Variants in C12orf43 observed in about 807,000 individuals in gnomAD.
C12orf43 encodes chromosome 12 open reading frame 43.
Under a neutral mutation model 20.6 loss-of-function variants are expected in C12orf43, and 15 were observed. The ratio of observed to expected loss-of-function variants is 0.73; its 90% CI spans 0.49 to 1.12. The LOEUF (loss-of-function observed/expected upper bound fraction) is 1.12. Ranked by LOEUF, C12orf43 falls within the 50% of genes most tolerant of loss-of-function variation. The pLI, the probability that C12orf43 is intolerant of heterozygous loss-of-function variation, is 0.00. For synonymous variants in C12orf43, 144 were observed against 130.8 expected, an observed-to-expected ratio of 1.10 and a Z score of -0.69; for missense variants, 334 against 344.4, an observed-to-expected ratio of 0.97 and a Z score of 0.24.
At position 121,011,021 on chromosome 12, in the gene C12orf43, C is replaced by T. The variant is rs1878413219; in HGVS notation, c.188+83G>A. The T allele has an allele frequency of 2.5e-6, 4 of 1,582,978 alleles. No individual in the cohort carries two copies. The Admixed American group carries it at 5.0e-5, about 20-fold the overall frequency. The stretch of plus-strand genomic sequence containing the variant: ...GTGTGTCTTGTTCACCTGGAAATGC[C>T]AGGCGTGAAGCCTAGCATCTGGCAC... On this transcript the variant is annotated intron_variant, in intron 2 of 5. Coordinates refer to ENST00000288757, the MANE Select transcript of C12orf43 (RefSeq NM_022895.3).
chr12:121,002,295 A>T lies in C12orf43; in HGVS notation c.*1858T>A. On this transcript the variant is annotated 3_prime_UTR_variant, in exon 6 of 6. Transcript: ENST00000288757. ...CCCTGAGGAGTCTGAGGTCCTGAGC[A>T]CTGCCAGGAGGGACAAAGGAGCCTG... is the stretch of plus-strand genomic sequence containing the variant. 1 of 443,424 alleles carries T rather than the reference A, an allele frequency of 2.3e-6. No homozygotes were observed. The highest frequency in any genetic ancestry group is 4.0e-5 in the East Asian group (1 of 24,932). The allele number at this position is 443,424 out of a possible 1,614,324, so 27.5% of individuals were successfully genotyped here.
Position 121,003,846 on chromosome 12 carries a change from T to G in C12orf43, c.*307A>C, listed in dbSNP as rs975374344. 2.3e-6 allele frequency: 1 copy of G among 429,774 alleles called. No homozygotes were observed. The highest frequency in any genetic ancestry group is 4.3e-6 in the Non-Finnish European group (1 of 234,238). 26.6% of individuals were successfully genotyped at this position (429,774 alleles called of 1,614,324 possible). A position where few individuals can be genotyped will look rare whatever the true frequency, so the allele number is the denominator to read the frequency against. The stretch of plus-strand genomic sequence containing the variant: ...GGAGGTTTCACCACTTGGCCACTAG[T>G]CTCAAATAACTGGAAGGTTCCTTTT... On this transcript the variant is annotated 3_prime_UTR_variant, in exon 6 of 6. Transcript: ENST00000288757.
In C12orf43 at chr12:121,012,849, T is replaced by TAAAAAAAAAAAAAAAA. The variant is rs10636003; in HGVS notation, c.146-1719_146-1704dup. ...CCTGGTGACAGAGCAAGACTCCGTC[T>TAAAAAAAAAAAAAAAA]AAAAAAAAAAAAAAAAAAAAAAAAA... On this transcript the variant is annotated intron_variant, in intron 1 of 5. Coordinates refer to ENST00000288757, the MANE Select transcript of C12orf43 (RefSeq NM_022895.3). Among the ~76,000 whole-genome samples, 142 of 91,914 alleles carry TAAAAAAAAAAAAAAAA rather than the reference T, an allele frequency of 1.5e-3. 3 individuals are homozygous for TAAAAAAAAAAAAAAAA. The highest frequency in any genetic ancestry group is 3.9e-3 in the African/African-American group (76 of 19,402). 60.3% of individuals were successfully genotyped at this position (91,914 alleles called of 152,430 possible). A position where few individuals can be genotyped will look rare whatever the true frequency, so the allele number is the denominator to read the frequency against.
rs377546892 is a variant in C12orf43, at chr12:121,004,214, T to C, written c.728A>G (p.Lys243Arg). 9 of 1,614,030 alleles carry C rather than the reference T, an allele frequency of 5.6e-6. No individual in the cohort carries two copies. Among genetic ancestry groups the C allele is most frequent in the Non-Finnish European group, 7.6e-6 (9 of 1,180,006 alleles). Residue 243 changes from lysine to arginine, a missense_variant, in exon 6 of 6, where the codon AAG becomes AGG. By Grantham distance (26) the Lys-to-Arg change is conservative. Transcript: ENST00000288757. The surrounding 1 kb of genome is among the most constrained non-coding windows in gnomAD (Gnocchi z 5.6). ...TGGGAATGGAGAGGTCTCGCTGGCC[T>C]TCTTTGCCTTTTTCTTCTTTTTGGT... ...LGTKKKKKAK[K>R]ASETSPFPPA...
In C12orf43 at chr12:121,003,842, C is replaced by A; in HGVS notation, c.*311G>T. On this transcript the variant is annotated 3_prime_UTR_variant, in exon 6 of 6. Transcript: ENST00000288757. The stretch of plus-strand genomic sequence containing the variant: ...AGATGGAGGTTTCACCACTTGGCCA[C>A]TAGTCTCAAATAACTGGAAGGTTCC... 2.4e-6 allele frequency: 1 copy of A among 420,644 alleles called. No homozygotes were observed. The allele number at this position is 420,644 out of a possible 1,614,324, so 26.1% of individuals were successfully genotyped here.
In C12orf43 at chr12:121,000,996, C is replaced by A; in HGVS notation, c.*3157G>T. On this transcript the variant is annotated 3_prime_UTR_variant, in exon 6 of 6. Transcript: ENST00000288757. ...CCCTGCCTCCCCATCCTGAGTACCCCTAGGGACAGGCAGGTGGGGTGGGTG... is the reference window on the plus strand; with the variant it reads ...CCCTGCCTCCCCATCCTGAGTACCCATAGGGACAGGCAGGTGGGGTGGGTG... The A allele has an allele frequency of 6.2e-7, 1 of 1,603,472 alleles. No individual in the cohort carries two copies. The highest frequency in any genetic ancestry group is 1.1e-5 in the South Asian group (1 of 90,632).
At chr12:121,006,223 G>A (rs2708082) in intron 4 of C12orf43, 98 bp downstream of exon 4, 89,368 of 442,028 alleles carry the variant, frequency 0.2, 6,467 homozygotes, top group Admixed American at 0.47. Context: ...CTCAAAAAAA[G>A]AAAAAAAAAA....
rs749943738 is a variant in C12orf43, at chr12:121,011,104, C to T, written c.188G>A (p.Arg63Lys). ...SQLSTSQPSL[R>K]HKVNEHEQDG... The stretch of plus-strand genomic sequence containing the variant: ...AACTTGAACCCAAAGTGCATAGTAC[C>T]TGAGGCTCGGTTGGGAGGTTGACAA... Residue 63 changes from arginine to lysine, a missense_variant and splice_region_variant, in exon 2 of 6, where the codon AGG (arginine) becomes AAG (lysine). Arg to Lys is a conservative substitution (Grantham distance 26). Transcript: ENST00000288757. 3.7e-6 allele frequency: 6 copies of T among 1,613,978 alleles called. No individual in the cohort carries two copies. In the South Asian group the frequency reaches 6.6e-5, roughly 18 times the overall value.
At chr12:121,006,544 A>C (rs1352209207) in intron 3 of C12orf43, 150 bp from the exon 4 acceptor site, 2 of 695,100 alleles carry the variant, frequency 2.9e-6, no homozygotes, top group Non-Finnish European at 2.5e-6. Context: ...TGGTCTGGTT[A>C]TAACATGCTG....
chr12:121,016,309 T>C, intron 1 of C12orf43, 21 bp downstream of exon 1: 1 of 1,613,002 alleles, frequency 6.2e-7, no homozygotes, highest in Non-Finnish European at 8.5e-7. Context: ...TCAGCCAGTC[T>C]CCCCAAACAT....
At chr12:121,015,552 G>A (rs1417558762) in intron 1 of C12orf43, among the ~76,000 whole-genome samples, 2 of 152,224 alleles carry the variant, frequency 1.3e-5, no homozygotes, top group African/African-American at 4.8e-5. Context: ...AACTTGTGAT[G>A]TATGTGCTTC....
Position 121,005,227 on chromosome 12 carries a change from C to CA in C12orf43, c.362-135dup, listed in dbSNP as rs1056397271. 1.7e-3 allele frequency: 758 copies of CA among 436,426 alleles called. No homozygotes were observed. Among genetic ancestry groups the CA allele is most frequent in the Middle Eastern group, 2.6e-3 (4 of 1,530 alleles). 27.0% of individuals were successfully genotyped at this position (436,426 alleles called of 1,614,324 possible). Reference sequence around the variant, plus strand: ...GAAAGAAAGAAAAGATAAAGAGAAACAAAAAAAAAATTTTAAGAAGACACA... The same window carrying CA: ...GAAAGAAAGAAAAGATAAAGAGAAACAAAAAAAAAAATTTTAAGAAGACACA... On this transcript the variant is annotated intron_variant, in intron 4 of 5. Transcript: ENST00000288757. This position sits in a 1 kb window ranked among gnomAD's most constrained non-coding sequence, Gnocchi z 5.6.
intron 1 of C12orf43, among the ~76,000 whole-genome samples, chr12:121,011,969 TTGG>T (rs1868405347): frequency 6.6e-6 from 1 of 152,132 alleles, no homozygotes; most frequent in Non-Finnish European, 1.5e-5. Flanking sequence ...TACATTCTAG[TTGG>T]TGGAGAGAGA....
intron 3 of C12orf43, among the ~76,000 whole-genome samples, chr12:121,010,425 C>T (rs1565896816): frequency 6.6e-6 from 1 of 152,174 alleles, no homozygotes; most frequent in Non-Finnish European, 1.5e-5. Flanking sequence ...AGCGGTGTCC[C>T]CTGGGCAAAT....
chr12:121,007,910 G>C (rs1179318715), intron 3 of C12orf43, among the ~76,000 whole-genome samples: 1 of 151,940 alleles, frequency 6.6e-6, no homozygotes, highest in African/African-American at 2.4e-5. Flanking sequence ...TTCAATGGTG[G>C]CCATCAGGGG....
chr12:121,010,874 C>T lies in C12orf43; in HGVS notation c.241G>A (p.Glu81Lys). ...TTCTTGGCTACGTGGGCTCGGAATT[C>T]AGGGGTGGTCTGAAGCTCGTTGCCA... ...QDGNELQTTPEFRAHVAKKLG... is the reference protein window; with the variant it reads ...QDGNELQTTPKFRAHVAKKLG... The change falls in exon 3 of 6, where the codon GAA becomes AAA. Residue 81 changes from glutamate (E) to lysine (K), a missense_variant. Transcript: ENST00000288757. 6.2e-7 allele frequency: 1 copy of T among 1,614,146 alleles called. No homozygotes were observed. Among genetic ancestry groups the T allele is most frequent in the Non-Finnish European group, 8.5e-7 (1 of 1,180,024 alleles).
rs1877834050 is a variant in C12orf43, at chr12:121,004,560, C to T, written c.453-71G>A. The T allele has an allele frequency of 6.9e-7, 1 of 1,456,678 alleles. No homozygotes were observed. Among genetic ancestry groups the T allele is most frequent in the South Asian group, 1.3e-5 (1 of 74,342 alleles). 90.2% of individuals were successfully genotyped at this position (1,456,678 alleles called of 1,614,324 possible). ...AGCCCCAGAGCTGCCTCTCGCTGTC[C>T]TCCCTTGGTCCAGGTCACCAGAAGG... is the stretch of plus-strand genomic sequence containing the variant. On this transcript the variant is annotated intron_variant, in intron 5 of 5. Coordinates refer to ENST00000288757, the MANE Select transcript of C12orf43 (RefSeq NM_022895.3). This position sits in a 1 kb window ranked among gnomAD's most constrained non-coding sequence, Gnocchi z 5.6.
rs1048268093 is a variant in C12orf43 at position 121,002,060 on chromosome 12, C to T, written c.*2093G>A. On this transcript the variant is annotated 3_prime_UTR_variant, in exon 6 of 6. Coordinates refer to ENST00000288757, the MANE Select transcript of C12orf43 (RefSeq NM_022895.3). ...GGTGGGGCAGCTCCTCTGTCTCGAGCGCCCTGCAGACCCTGCCCTTGTTTG... is the reference window on the plus strand; with the variant it reads ...GGTGGGGCAGCTCCTCTGTCTCGAGTGCCCTGCAGACCCTGCCCTTGTTTG... The T allele has an allele frequency of 1.3e-5, 7 of 536,562 alleles. No individual in the cohort carries two copies. The highest frequency in any genetic ancestry group is 3.1e-5 in the South Asian group (2 of 65,256). The allele number at this position is 536,562 out of a possible 1,614,324, so 33.2% of individuals were successfully genotyped here.
Position 121,004,989 on chromosome 12 carries a change from G to C in C12orf43, c.452+14C>G. ...AAAAAAGGAGGGGACGTGAGGAGAG[G>C]TGTGAGTTCTCACCTGGAGCTGGAG... On this transcript the variant is annotated intron_variant, in intron 5 of 5. Coordinates refer to ENST00000288757, the MANE Select transcript of C12orf43 (RefSeq NM_022895.3). This position sits in a 1 kb window ranked among gnomAD's most constrained non-coding sequence, Gnocchi z 5.6. 2 of 1,521,986 alleles carry C rather than the reference G, an allele frequency of 1.3e-6. No homozygotes were observed. The highest frequency in any genetic ancestry group is 8.8e-7 in the Non-Finnish European group (1 of 1,133,982). The allele number at this position is 1,521,986 out of a possible 1,614,324, so 94.3% of individuals were successfully genotyped here. A position where few individuals can be genotyped will look rare whatever the true frequency, so the allele number is the denominator to read the frequency against.
Sources: allele counts gnomAD v4.1 joint callset (sites outside exome capture counted in the v4.1 genomes callset), GRCh38; gene constraint gnomAD v4.1.1; non-coding constraint Gnocchi (gnomAD v3.1); transcripts MANE v1.5; gene names NCBI Gene and HGNC (gene_info 2026-07-23, HGNC 2026-07-21).